ASAH2: variants seen among roughly 807,000 people sequenced by gnomAD.
ASAH2 encodes the protein N-acylsphingosine amidohydrolase 2.
ASAH2 carries 58 observed loss-of-function variants against 82.9 expected under a neutral mutation model. The observed-to-expected ratio is 0.70, with a 90% CI of 0.57 to 0.87. The LOEUF (loss-of-function observed/expected upper bound fraction) is 0.87. Among genes scored for constraint, ASAH2 ranks in the 40% least tolerant of loss-of-function variants. The probability of loss-of-function intolerance (pLI) is 0.00; values close to 1 mark genes in which losing one functional copy is unlikely to be tolerated. For synonymous variants in ASAH2, 276 were observed against 289.7 expected (o/e 0.95, Z 0.48); for missense variants, 779 against 834.0 (o/e 0.93, Z 0.81).
At chr10:50,212,469 T>C (rs1845481847) in intron 10 of ASAH2, among the ~76,000 whole-genome samples, 1 of 152,098 alleles carries the variant, frequency 6.6e-6, no homozygotes, top group Non-Finnish European at 1.5e-5. Flanking sequence ...AATAGCTGGA[T>C]GATCTTTGCA....
At chr10:50,220,161 G>C (rs1170805479) in intron 7 of ASAH2, among the ~76,000 whole-genome samples, 1 of 152,134 alleles carries the variant, frequency 6.6e-6, no homozygotes, top group Non-Finnish European at 1.5e-5. Context: ...GATATAATCA[G>C]GGAAGACCGA....
chr10:50,217,018 G>A (rs1365030408), intron 8 of ASAH2, among the ~76,000 whole-genome samples: 1 of 152,176 alleles, frequency 6.6e-6, no homozygotes, highest in African/African-American at 2.4e-5. Context: ...ATTGCTGAGA[G>A]CTGTAGCCTA....
intron 7 of ASAH2, among the ~76,000 whole-genome samples, chr10:50,224,236 A>T (rs1358670509): frequency 6.6e-6 from 1 of 152,200 alleles, no homozygotes; most frequent in Non-Finnish European, 1.5e-5. Context: ...TGCTTAGCAC[A>T]AAGACTGGCT....
At position 50,185,771 on chromosome 10, in the gene ASAH2, A is replaced by T. The variant is rs1481695283; in HGVS notation, c.*1544T>A. On this transcript the variant is annotated 3_prime_UTR_variant, in exon 21 of 21. Transcript: ENST00000682911. The stretch of plus-strand genomic sequence containing the variant: ...AGTGTTCCAGGTTCATTCTAATTCA[A>T]TAAATTATGTTGAGATTAAGTTATA... 132 of 144,084 alleles carry T rather than the reference A, an allele frequency of 9.2e-4. No individual in the cohort carries two copies. Among genetic ancestry groups the T allele is most frequent in the African/African-American group, 3.4e-3 (125 of 37,178 alleles). 8.9% of individuals were successfully genotyped at this position (144,084 alleles called of 1,614,324 possible).
intron 1 of ASAH2, among the ~76,000 whole-genome samples, chr10:50,249,431 A>G (rs1846558202): frequency 6.6e-6 from 1 of 152,004 alleles, no homozygotes; most frequent in Admixed American, 6.6e-5. Context: ...ACAAGTTAAA[A>G]CCCCATATAA....
intron 7 of ASAH2, among the ~76,000 whole-genome samples, chr10:50,224,385 AT>A (rs1367232060): frequency 3.3e-5 from 5 of 152,016 alleles, no homozygotes; most frequent in Non-Finnish European, 5.9e-5. Flanking sequence ...AAATATATAT[AT>A]ATACAAATAT....
At chr10:50,203,612 T>C in intron 15 of ASAH2, 28 bp downstream of exon 15, 1 of 1,489,702 alleles carries the variant, frequency 6.7e-7, no homozygotes, top group Non-Finnish European at 9.3e-7. Context: ...CATGAACATG[T>C]AGATATGTTA....
intron 12 of ASAH2, among the ~76,000 whole-genome samples, chr10:50,208,063 G>C (rs1845350557): frequency 6.6e-6 from 1 of 151,864 alleles, no homozygotes; most frequent in Non-Finnish European, 1.5e-5. Flanking sequence ...TTAATTACAT[G>C]ATAATCTGAG....
At chr10:50,232,838 C>T (rs954044683) in intron 7 of ASAH2, among the ~76,000 whole-genome samples, 40,910 of 152,066 alleles carry the variant, frequency 0.27, 5,846 homozygotes, top group Non-Finnish European at 0.32. Flanking sequence ...TAACTGTATA[C>T]CATCATGGAA....
chr10:50,235,276 A>G (rs1846128589), intron 5 of ASAH2, among the ~76,000 whole-genome samples: 1 of 152,100 alleles, frequency 6.6e-6, no homozygotes, highest in Non-Finnish European at 1.5e-5. Flanking sequence ...AAGAAAAAAT[A>G]GAGAATAAGC....
chr10:50,243,021 T>A (rs543571905), intron 4 of ASAH2, among the ~76,000 whole-genome samples, 181 bp downstream of exon 4: 6 of 152,318 alleles, frequency 3.9e-5, no homozygotes, highest in African/African-American at 1.4e-4. Flanking sequence ...TAACTTAGAC[T>A]GAAATAGTGA....
chr10:50,233,980 T>C (rs1162528999), intron 6 of ASAH2, among the ~76,000 whole-genome samples: 2 of 152,176 alleles, frequency 1.3e-5, no homozygotes, highest in Admixed American at 1.3e-4. Flanking sequence ...CTAAGATGAT[T>C]TATTCTGGAT....
chr10:50,228,768 G>A (rs1219392586), intron 7 of ASAH2, among the ~76,000 whole-genome samples: 2 of 151,860 alleles, frequency 1.3e-5, no homozygotes, highest in Non-Finnish European at 2.9e-5. Flanking sequence ...AGAGAAAAGA[G>A]GGGAGGAAGA....
At chr10:50,232,983 G>C (rs1305997458) in intron 7 of ASAH2, among the ~76,000 whole-genome samples, 2 of 152,070 alleles carry the variant, frequency 1.3e-5, no homozygotes, top group Admixed American at 1.3e-4. Context: ...TGTTTTGTAA[G>C]TGCAGAACTA....
chr10:50,216,789 G>A (rs1160203602), intron 8 of ASAH2, among the ~76,000 whole-genome samples: 2 of 152,106 alleles, frequency 1.3e-5, no homozygotes, highest in Non-Finnish European at 2.9e-5. Context: ...ACTAAGTATT[G>A]GAGATATAAA....
intron 7 of ASAH2, among the ~76,000 whole-genome samples, chr10:50,226,999 A>G (rs1845904181): frequency 6.6e-6 from 1 of 152,192 alleles, no homozygotes; most frequent in South Asian, 2.1e-4. Context: ...AAAGTAAGAG[A>G]TGAGAAAGGA....
chr10:50,205,840 T>A (rs998655613), intron 13 of ASAH2, 142 bp downstream of exon 13: 2 of 734,176 alleles, frequency 2.7e-6, no homozygotes, highest in South Asian at 1.7e-5. Context: ...ATGGAACCCA[T>A]TTTTTAATAT....
At chr10:50,238,675 G>C (rs977290626) in intron 4 of ASAH2, among the ~76,000 whole-genome samples, 2 of 152,126 alleles carry the variant, frequency 1.3e-5, no homozygotes, top group South Asian at 2.1e-4. Context: ...TAGAGAAAAA[G>C]AGCCACGAGT....
chr10:50,211,592 C>T (rs899991087), intron 10 of ASAH2, among the ~76,000 whole-genome samples: 14 of 152,140 alleles, frequency 9.2e-5, no homozygotes, highest in Non-Finnish European at 1.0e-4. Flanking sequence ...CCTGCTTTGT[C>T]TGCAGCACTT....
Sources: gnomAD v4.1 joint callset for allele counts (sites outside exome capture counted in the v4.1 genomes callset) on GRCh38, gnomAD v4.1.1 for gene constraint, MANE v1.5 for transcripts, NCBI Gene and HGNC (gene_info 2026-07-23, HGNC 2026-07-21) for gene names.